RBFOX1: variants seen among roughly 807,000 people sequenced by gnomAD.
The protein encoded by RBFOX1 is RNA binding protein fox-1 homolog 1.
Under a neutral mutation model 57.7 loss-of-function variants are expected in RBFOX1, and 8 were observed. The ratio of observed to expected loss-of-function variants is 0.14; its 90% CI spans 0.08 to 0.25. The LOEUF (loss-of-function observed/expected upper bound fraction) is 0.25. Ranked by LOEUF, RBFOX1 falls within the 10% of genes least tolerant of loss-of-function variation. The pLI is 1.00. For synonymous variants in RBFOX1, 326 were observed against 222.4 expected (o/e 1.47, Z -4.15); for missense variants, 611 against 548.5 (o/e 1.11, Z -1.14).
At chr16:7,397,565 C>G (rs1307380495) in intron 4 of RBFOX1, among the ~76,000 whole-genome samples, 1 of 152,046 alleles carries the variant, frequency 6.6e-6, no homozygotes, top group Non-Finnish European at 1.5e-5. Flanking sequence ...AAAGTCAGTA[C>G]CAAAGAGTCA....
At chr16:6,305,609 A>G (rs2079410131) in intron 1 of RBFOX1, among the ~76,000 whole-genome samples, 1 of 150,858 alleles carries the variant, frequency 6.6e-6, no homozygotes, top group South Asian at 2.1e-4. Flanking sequence ...TGACTCAAGT[A>G]GGTACAGCTT....
At chr16:5,505,457 C>G (rs1018254690) in intron 2 of RBFOX1, among the ~76,000 whole-genome samples, 4 of 152,146 alleles carry the variant, frequency 2.6e-5, no homozygotes, top group African/African-American at 9.7e-5. Context: ...GGTTTAGTGT[C>G]TGAGCAACAT....
At chr16:6,236,694 A>T (rs1183829253) in intron 1 of RBFOX1, among the ~76,000 whole-genome samples, 3 of 152,026 alleles carry the variant, frequency 2.0e-5, no homozygotes, top group Non-Finnish European at 4.4e-5. Context: ...CGGATGATCC[A>T]CCCACCTCAG....
intron 4 of RBFOX1, among the ~76,000 whole-genome samples, chr16:5,910,740 C>G (rs117773937): frequency 8.8e-4 from 134 of 152,318 alleles, no homozygotes; most frequent in Non-Finnish European, 1.3e-3. Context: ...TTCAAGCTGT[C>G]AGAATCTGCA....
chr16:7,633,822 G>A (rs568338312), intron 11 of RBFOX1, among the ~76,000 whole-genome samples: 5 of 152,250 alleles, frequency 3.3e-5, no homozygotes, highest in African/African-American at 1.2e-4. Context: ...ACATTGCTGC[G>A]GTTTCCTTTC....
At chr16:7,094,055 C>T (rs12103335) in intron 4 of RBFOX1, among the ~76,000 whole-genome samples, 32,963 of 149,118 alleles carry the variant, frequency 0.22, 3,844 homozygotes, top group East Asian at 0.36. Flanking sequence ...TGCTTAGTGC[C>T]AGAGGATCAG....
intron 1 of RBFOX1, among the ~76,000 whole-genome samples, chr16:5,417,592 A>C (rs879810176): frequency 6.6e-5 from 10 of 152,158 alleles, no homozygotes; most frequent in Non-Finnish European, 1.5e-4. Flanking sequence ...AAGAGAGCAA[A>C]GGTGGGCAGA....
chr16:5,477,183 T>A (rs1290151054), intron 2 of RBFOX1, among the ~76,000 whole-genome samples: 1 of 152,152 alleles, frequency 6.6e-6, no homozygotes. Context: ...TCCAGCTAAT[T>A]TTAAAAATTA....
At chr16:7,316,616 C>T (rs922305586) in intron 4 of RBFOX1, among the ~76,000 whole-genome samples, 1 of 152,096 alleles carries the variant, frequency 6.6e-6, no homozygotes. Flanking sequence ...AGCAAGTGAT[C>T]ATCACATAAC....
intron 2 of RBFOX1, among the ~76,000 whole-genome samples, chr16:5,484,513 C>G (rs1050940508): frequency 6.6e-6 from 1 of 151,814 alleles, no homozygotes; most frequent in Non-Finnish European, 1.5e-5. Flanking sequence ...GCACAGTGGC[C>G]CATGCCTGTA....
At chr16:6,484,196 A>G (rs2095424776) in intron 2 of RBFOX1, among the ~76,000 whole-genome samples, 1 of 152,216 alleles carries the variant, frequency 6.6e-6, no homozygotes, top group Non-Finnish European at 1.5e-5. Flanking sequence ...TGGTTTTGCA[A>G]GAGATGCGCG....
intron 4 of RBFOX1, among the ~76,000 whole-genome samples, chr16:7,415,775 A>G (rs2098472150): frequency 1.7e-5 from 2 of 118,096 alleles, no homozygotes; most frequent in African/African-American, 1.2e-4. Flanking sequence ...GGAAAGTGGA[A>G]GAAAATAAGA....
At chr16:6,631,473 G>T (rs888608236) in intron 2 of RBFOX1, among the ~76,000 whole-genome samples, 1 of 151,926 alleles carries the variant, frequency 6.6e-6, no homozygotes, top group African/African-American at 2.4e-5. Flanking sequence ...TGTGTAAAAA[G>T]CAGACATCAC....
At chr16:5,281,965 C>G (rs1036628606) in intron 1 of RBFOX1, among the ~76,000 whole-genome samples, 2 of 152,112 alleles carry the variant, frequency 1.3e-5, no homozygotes, top group African/African-American at 4.8e-5. Context: ...TCATTGTTTT[C>G]TGGTTATTTT....
intron 1 of RBFOX1, among the ~76,000 whole-genome samples, chr16:5,405,237 C>A (rs2066833041): frequency 6.6e-6 from 1 of 152,100 alleles, no homozygotes; most frequent in Non-Finnish European, 1.5e-5. Flanking sequence ...GGCTGTGTAC[C>A]CCCACCCCCA....
chr16:7,234,316 T>C (rs527695870), intron 4 of RBFOX1, among the ~76,000 whole-genome samples: 7 of 152,136 alleles, frequency 4.6e-5, no homozygotes, highest in African/African-American at 1.7e-4. Flanking sequence ...AGTGGGTTGG[T>C]GTTGTGTATA....
chr16:7,375,908 C>T (rs1336070989), intron 4 of RBFOX1, among the ~76,000 whole-genome samples: 4 of 152,110 alleles, frequency 2.6e-5, no homozygotes, highest in Admixed American at 1.3e-4. Context: ...AGACCTTGTG[C>T]CCACGTCCTG....
chr16:6,314,297 A>C (rs1003863163), intron 1 of RBFOX1, among the ~76,000 whole-genome samples: 5 of 152,308 alleles, frequency 3.3e-5, no homozygotes, highest in African/African-American at 1.2e-4. Flanking sequence ...TGTTGAATTA[A>C]ACATTGCCCT....
intron 2 of RBFOX1, among the ~76,000 whole-genome samples, chr16:6,644,212 A>G (rs2098515173): frequency 6.6e-6 from 1 of 152,224 alleles, no homozygotes; most frequent in South Asian, 2.1e-4. Context: ...GTCTTAAATT[A>G]GAAGCCGTTG....
Sources: gnomAD v4.1 joint callset for allele counts (sites outside exome capture counted in the v4.1 genomes callset) on GRCh38, gnomAD v4.1.1 for gene constraint, MANE v1.5 for transcripts, NCBI Gene and HGNC (gene_info 2026-07-23, HGNC 2026-07-21) for gene names.